The following FAM117A variants were observed in gnomAD, a reference collection of about 807,000 sequenced individuals.
The protein encoded by FAM117A is family with sequence similarity 117 member A, also known as protein FAM117A.
Under a neutral mutation model 44.1 loss-of-function variants are expected in FAM117A, and 21 were observed. The observed-to-expected ratio is 0.48, with a 90% CI of 0.34 to 0.69. The LOEUF (loss-of-function observed/expected upper bound fraction) is 0.69, where lower values mean the gene tolerates loss of function less well. FAM117A is among the 30% of genes least tolerant of loss of function. FAM117A has a pLI of 0.01. For missense variants in FAM117A, 498 were observed against 589.9 expected, an observed-to-expected ratio of 0.84 and a Z score of 1.61; for synonymous variants, 220 against 238.3, an observed-to-expected ratio of 0.92 and a Z score of 0.71.
At chr17:49,717,056 T>G (rs1199957763) in intron 6 of FAM117A, among the ~76,000 whole-genome samples, 1 of 151,756 alleles carries the variant, frequency 6.6e-6, no homozygotes. Flanking sequence ...TTGTAGAAAA[T>G]AGAGATTTGG....
intron 7 of FAM117A, among the ~76,000 whole-genome samples, chr17:49,715,565 A>T (rs1299408196): frequency 6.6e-6 from 1 of 152,172 alleles, no homozygotes; most frequent in East Asian, 1.9e-4. Flanking sequence ...GAATCAACAG[A>T]AGAATGGCTT....
In FAM117A at chr17:49,764,005, C is replaced by A; in HGVS notation, c.83G>T (p.Cys28Phe). 1 of 1,209,726 alleles carries A rather than the reference C, an allele frequency of 8.3e-7. No individual in the cohort carries two copies. Among genetic ancestry groups the A allele is most frequent in the Non-Finnish European group, 1.0e-6 (1 of 969,994 alleles). 74.9% of individuals were successfully genotyped at this position (1,209,726 alleles called of 1,614,324 possible). Residue 28 changes from cysteine (C) to phenylalanine (F), a missense_variant, in exon 1 of 8, where the codon TGC (cysteine) becomes TTC (phenylalanine). Physicochemically the swap from Cys to Phe is radical, Grantham distance 205. Transcript: ENST00000240364. ...RGGAGGLRRG[C>F]SPPAPAGSPR... ...GGAGCCGGCGGGGGCTGGGGGAGAG[C>A]AGCCCCGCCGGAGCCCCCCGGCCCC...
At chr17:49,724,168 GCC>G (rs1210468636) in intron 2 of FAM117A, among the ~76,000 whole-genome samples, 1 of 152,040 alleles carries the variant, frequency 6.6e-6, no homozygotes, top group Non-Finnish European at 1.5e-5. Context: ...TGAGGAGGAA[GCC>G]CATCTCTCCC....
chr17:49,724,498 C>T (rs1031164158), intron 2 of FAM117A: 7 of 455,932 alleles, frequency 1.5e-5, no homozygotes, highest in South Asian at 7.7e-5. Flanking sequence ...CTGGGATATG[C>T]GAGAGGATGG....
intron 7 of FAM117A, among the ~76,000 whole-genome samples, chr17:49,711,990 C>CA (rs1490595962): frequency 6.6e-6 from 1 of 152,094 alleles, no homozygotes; most frequent in Non-Finnish European, 1.5e-5. Context: ...AGTAAAAATA[C>CA]AAAAAATTAG....
chr17:49,727,679 A>G (rs2073566088), intron 2 of FAM117A, among the ~76,000 whole-genome samples: 1 of 152,170 alleles, frequency 6.6e-6, no homozygotes, highest in Non-Finnish European at 1.5e-5. Context: ...GAGCCATCTA[A>G]TATAATGAGG....
chr17:49,742,726 A>C (rs2073639688), intron 1 of FAM117A, among the ~76,000 whole-genome samples: 1 of 152,204 alleles, frequency 6.6e-6, no homozygotes, highest in Non-Finnish European at 1.5e-5. Context: ...TTTTAAACTC[A>C]AAGGACAGGC....
chr17:49,772,545 A>G (rs953609992), intron 1 of FAM117A, among the ~76,000 whole-genome samples: 1 of 151,346 alleles, frequency 6.6e-6, no homozygotes, highest in African/African-American at 2.4e-5. Flanking sequence ...AGGTCAGAAG[A>G]TCGAGACCAT....
intron 1 of FAM117A, among the ~76,000 whole-genome samples, chr17:49,749,529 A>T (rs552537151): frequency 1.5e-5 from 2 of 129,060 alleles, no homozygotes; most frequent in South Asian, 2.4e-4. Context: ...GTGAGCCGAG[A>T]TCGCGCCACT....
At chr17:49,726,989 G>GA (rs2073562908) in intron 2 of FAM117A, among the ~76,000 whole-genome samples, 1 of 150,920 alleles carries the variant, frequency 6.6e-6, no homozygotes, top group Non-Finnish European at 1.5e-5. Flanking sequence ...AAAAAAAAAA[G>GA]GAAAAAAGAA....
intron 1 of FAM117A, among the ~76,000 whole-genome samples, chr17:49,742,580 T>A (rs2143755029): frequency 6.6e-6 from 1 of 152,328 alleles, no homozygotes; most frequent in East Asian, 1.9e-4. Flanking sequence ...CAGTTACTGA[T>A]TGGAACATAC....
intron 7 of FAM117A, among the ~76,000 whole-genome samples, chr17:49,714,980 C>A (rs2073495704): frequency 1.3e-5 from 2 of 152,040 alleles, no homozygotes; most frequent in South Asian, 4.2e-4. Flanking sequence ...AATGCAGGGG[C>A]AGGAAGATAA....
At chr17:49,726,851 A>G (rs1000240856) in intron 2 of FAM117A, among the ~76,000 whole-genome samples, 3 of 151,924 alleles carry the variant, frequency 2.0e-5, no homozygotes, top group Admixed American at 2.0e-4. Context: ...ATGGTGGTGC[A>G]TATCTGTAGT....
rs919577428 is a variant in FAM117A, at chr17:49,763,959, C to T, written c.129G>A (p.Pro43=). 4 of 1,232,472 alleles carry T rather than the reference C, an allele frequency of 3.2e-6. No homozygotes were observed. Among genetic ancestry groups the T allele is most frequent in the Non-Finnish European group, 4.0e-6 (4 of 988,800 alleles). The allele number at this position is 1,232,472 out of a possible 1,614,324, so 76.3% of individuals were successfully genotyped here. The change falls in exon 1 of 8, where the codon CCG becomes CCA. Residue 43 remains proline (P), a synonymous_variant. Coordinates refer to ENST00000240364, the MANE Select transcript of FAM117A (RefSeq NM_030802.4). ...PAGSPRAGLQ[P]LRATIPFQLQ... ...GCTGGAAGGGGATCGTGGCCCTGAG[C>T]GGCTGCAGCCCAGCCCGGGGGGAGC...
At chr17:49,715,512 G>A (rs917677499) in intron 7 of FAM117A, among the ~76,000 whole-genome samples, 4 of 152,304 alleles carry the variant, frequency 2.6e-5, no homozygotes, top group Admixed American at 2.0e-4. Context: ...CATTTGGAAA[G>A]GTTGGCTCTC....
intron 1 of FAM117A, among the ~76,000 whole-genome samples, chr17:49,769,398 A>C (rs2073754400): frequency 1.3e-5 from 2 of 151,944 alleles, no homozygotes; most frequent in Admixed American, 6.6e-5. Flanking sequence ...AGGATCAGAG[A>C]CATTAAAACT....
At chr17:49,769,288 C>T (rs924598408) in intron 1 of FAM117A, among the ~76,000 whole-genome samples, 1 of 151,792 alleles carries the variant, frequency 6.6e-6, no homozygotes, top group African/African-American at 2.4e-5. Flanking sequence ...GAATAAGACT[C>T]CATCTCAAAA....
intron 1 of FAM117A, among the ~76,000 whole-genome samples, chr17:49,773,031 C>T (rs751800942): frequency 2.0e-5 from 3 of 151,792 alleles, no homozygotes; most frequent in African/African-American, 7.3e-5. Context: ...ATTGGCCGGG[C>T]GTGGTGGCTC....
chr17:49,743,883 A>C (rs889867960), intron 1 of FAM117A, among the ~76,000 whole-genome samples: 1 of 151,910 alleles, frequency 6.6e-6, no homozygotes, highest in African/African-American at 2.4e-5. Context: ...GTGAGCTATG[A>C]TTGTGCCACT....
Sources: allele counts gnomAD v4.1 joint callset (sites outside exome capture counted in the v4.1 genomes callset), GRCh38; gene constraint gnomAD v4.1.1; transcripts MANE v1.5; gene names NCBI Gene and HGNC (gene_info 2026-07-23, HGNC 2026-07-21).